Variants in TRMT11 observed in about 807,000 individuals in gnomAD.
TRMT11 encodes tRNA (guanine(10)-N(2))-methyltransferase TRMT11.
A neutral mutation model predicts 62.8 loss-of-function variants in TRMT11; 53 were observed. The ratio of observed to expected loss-of-function variants is 0.84; its 90% confidence interval spans 0.68 to 1.06. The LOEUF is 1.06. Among genes scored for constraint, TRMT11 ranks in the 50% least tolerant of loss-of-function variants. The pLI, the probability that TRMT11 is intolerant of heterozygous loss-of-function variation, is 0.00. For synonymous variants in TRMT11, 188 were observed against 190.3 expected, an observed-to-expected ratio of 0.99 and a Z score of 0.10; for missense variants, 556 against 553.4, an observed-to-expected ratio of 1.00 and a Z score of -0.05.
intron 9 of TRMT11, among the ~76,000 whole-genome samples, chr6:126,012,330 G>A (rs1794339659): frequency 6.6e-6 from 1 of 151,852 alleles, no homozygotes; most frequent in Non-Finnish European, 1.5e-5. Context: ...ATACTTCAGT[G>A]TGTATTTACT....
At chr6:126,242,592 A>T in the TRMT11 span, among the ~76,000 whole-genome samples, 4 of 152,228 alleles carry the variant, frequency 2.6e-5, no homozygotes, top group Non-Finnish European at 5.9e-5. Flanking sequence ...AGAGTTATAG[A>T]CAAATGGAAC....
chr6:126,171,828 C>T (rs2128236328), intron 21 of TRMT11, among the ~76,000 whole-genome samples: 1 of 152,226 alleles, frequency 6.6e-6, no homozygotes, highest in South Asian at 2.1e-4. Flanking sequence ...AAACGATTCT[C>T]CTGCCTCAGC....
chr6:126,034,031 G>A (rs1341222274), intron 12 of TRMT11, among the ~76,000 whole-genome samples: 1 of 151,996 alleles, frequency 6.6e-6, no homozygotes, highest in Non-Finnish European at 1.5e-5. Flanking sequence ...GTTCAGTGAG[G>A]AATGTCCTCT....
chr6:126,033,973 T>G (rs887995607), intron 12 of TRMT11, among the ~76,000 whole-genome samples: 3 of 151,938 alleles, frequency 2.0e-5, no homozygotes, highest in African/African-American at 7.2e-5. Context: ...GTTAAAGGAG[T>G]CCTGCCTAAA....
chr6:126,269,882 C>G, the TRMT11 span, among the ~76,000 whole-genome samples: 3 of 152,044 alleles, frequency 2.0e-5, no homozygotes, highest in Non-Finnish European at 1.5e-5. Context: ...CAGAAAGAAA[C>G]ATAAGGATAA....
chr6:126,052,527 C>A (rs1337524090), intron 16 of TRMT11, among the ~76,000 whole-genome samples: 2 of 150,586 alleles, frequency 1.3e-5, no homozygotes, highest in East Asian at 3.9e-4. Context: ...AATGCTTGGC[C>A]AAAAAAAAAT....
At chr6:126,066,491 G>A (rs188646508) in intron 17 of TRMT11, among the ~76,000 whole-genome samples, 219 of 152,240 alleles carry the variant, frequency 1.4e-3, no homozygotes, top group African/African-American at 4.8e-3. Context: ...AGGGAAGATG[G>A]GAGAGGGAGC....
chr6:126,172,683 T>G (rs536909940), upstream of TRMT11, among the ~76,000 whole-genome samples: 1 of 152,354 alleles, frequency 6.6e-6, no homozygotes, highest in East Asian at 1.9e-4. Context: ...CTCACAGCTG[T>G]TACCTCTGCA....
At position 126,003,299 on chromosome 6, in the gene TRMT11, A is replaced by G. The variant is rs115121258; in HGVS notation, c.679+3686A>G. ...AATTTTTTTTAGCTCACCAGCTATCATTAGTGTTAGTGTATTTTATGTACA... is the reference window on the plus strand; with the variant it reads ...AATTTTTTTTAGCTCACCAGCTATCGTTAGTGTTAGTGTATTTTATGTACA... On this transcript the variant is annotated intron_variant, in intron 7 of 12. Transcript: ENST00000334379. 3.8e-3 allele frequency among the ~76,000 whole-genome samples: 585 copies of G among 152,152 alleles called. 3 individuals carry two copies. Among genetic ancestry groups the G allele is most frequent in the African/African-American group, 0.013 (541 of 41,532 alleles).
At chr6:126,163,809 CAGT>C (rs1452095831) in intron 21 of TRMT11, among the ~76,000 whole-genome samples, 1 of 152,084 alleles carries the variant, frequency 6.6e-6, no homozygotes, top group Non-Finnish European at 1.5e-5. Context: ...TCTGTGGGAT[CAGT>C]GGTGATATTC....
chr6:126,159,784 C>T (rs571650566), intron 21 of TRMT11, among the ~76,000 whole-genome samples: 5 of 152,244 alleles, frequency 3.3e-5, no homozygotes, highest in Admixed American at 2.0e-4. Flanking sequence ...TGGGTGGCAT[C>T]GGTCAGTCCT....
At chr6:126,047,574 C>T (rs369806453) in intron 16 of TRMT11, among the ~76,000 whole-genome samples, 1 of 152,050 alleles carries the variant, frequency 6.6e-6, no homozygotes, top group Non-Finnish European at 1.5e-5. Flanking sequence ...GACAAGGACC[C>T]GGGTATCAAG....
chr6:126,152,679 G>A (rs1157297581), intron 21 of TRMT11, among the ~76,000 whole-genome samples: 3 of 152,208 alleles, frequency 2.0e-5, no homozygotes, highest in Non-Finnish European at 2.9e-5. Flanking sequence ...GGAGTAGGGA[G>A]TGGTGCTGGA....
chr6:126,195,541 G>T (rs1386442396), intron 1 of TRMT11, among the ~76,000 whole-genome samples: 1 of 152,098 alleles, frequency 6.6e-6, no homozygotes, highest in Non-Finnish European at 1.5e-5. Flanking sequence ...TTTTCTGTCT[G>T]GGCTTTAAAA....
chr6:126,193,780 G>A (rs999190941), intron 1 of TRMT11, among the ~76,000 whole-genome samples: 23 of 151,824 alleles, frequency 1.5e-4, no homozygotes, highest in African/African-American at 5.6e-4. Flanking sequence ...CACCATGCCC[G>A]GCCGCGTTTC....
the TRMT11 span, among the ~76,000 whole-genome samples, chr6:126,245,306 T>C: frequency 2.6e-5 from 4 of 152,234 alleles, no homozygotes; most frequent in South Asian, 4.1e-4. Flanking sequence ...TATTTGCCTT[T>C]TATGCATATA....
chr6:126,271,650 C>T, the TRMT11 span, among the ~76,000 whole-genome samples: 4 of 152,074 alleles, frequency 2.6e-5, no homozygotes, highest in Admixed American at 6.5e-5. Flanking sequence ...TACCAAAATA[C>T]TGGATTTAAC....
At chr6:126,257,923 A>ACTT in the TRMT11 span, 1 of 1,541,012 alleles carries the variant, frequency 6.5e-7, no homozygotes, top group South Asian at 1.1e-5. Context: ...AAGGACCCTC[A>ACTT]CTTCTTCTGG....
intron 17 of TRMT11, among the ~76,000 whole-genome samples, chr6:126,055,258 C>T (rs917421190): frequency 8.5e-5 from 13 of 152,176 alleles, no homozygotes; most frequent in African/African-American, 3.1e-4. Context: ...AGCCACTGTG[C>T]CTGGCCTTTA....
Sources: gnomAD v4.1 joint callset for allele counts (sites outside exome capture counted in the v4.1 genomes callset) on GRCh38, gnomAD v4.1.1 for gene constraint, MANE v1.5 for transcripts, NCBI Gene and HGNC (gene_info 2026-07-23, HGNC 2026-07-21) for gene names.